DCDC1: variants seen among roughly 807,000 people sequenced by gnomAD.
DCDC1 encodes doublecortin domain containing 1.
A neutral mutation model predicts 178.3 loss-of-function variants in DCDC1; 200 were observed. That is an observed-to-expected ratio of 1.12 (90% CI 1.00 to 1.26). The LOEUF (loss-of-function observed/expected upper bound fraction) is 1.26. DCDC1 is among the 50% of genes most tolerant of loss of function. The pLI is 0.00. For missense variants in DCDC1, 1,983 were observed against 1,749.2 expected (o/e 1.13, Z -2.38); for synonymous variants, 690 against 604.8 (o/e 1.14, Z -2.07).
At chr11:30,884,702 CA>C (rs1324043340) in intron 36 of DCDC1, among the ~76,000 whole-genome samples, 4 of 151,428 alleles carry the variant, frequency 2.6e-5, no homozygotes, top group Middle Eastern at 3.4e-3. Flanking sequence ...CCCTTGTAAA[CA>C]AAAAAACTAT....
intron 20 of DCDC1, among the ~76,000 whole-genome samples, chr11:30,954,834 T>G (rs976655495): frequency 1.3e-5 from 2 of 152,216 alleles, no homozygotes; most frequent in Non-Finnish European, 2.9e-5. Flanking sequence ...GCCTTGTATT[T>G]CTCTTCTTTG....
intron 21 of DCDC1, among the ~76,000 whole-genome samples, chr11:30,947,213 A>G (rs200524626): frequency 4.1e-4 from 63 of 152,324 alleles, no homozygotes; most frequent in East Asian, 1.9e-3. Context: ...GATGAAAAAT[A>G]TTAAAGAAGA....
intron 3 of DCDC1, among the ~76,000 whole-genome samples, chr11:31,310,365 C>T (rs1320055615): frequency 8.6e-6 from 1 of 116,288 alleles, no homozygotes; most frequent in East Asian, 2.7e-4. Context: ...GTTGCCCAGG[C>T]TGGAGTGCAG....
At chr11:30,969,876 C>A (rs1250818649) in intron 20 of DCDC1, among the ~76,000 whole-genome samples, 1 of 152,100 alleles carries the variant, frequency 6.6e-6, no homozygotes. Flanking sequence ...TTTTTAGTAA[C>A]TGCATAAAAG....
At chr11:31,181,156 C>T (rs188106311) in intron 9 of DCDC1, among the ~76,000 whole-genome samples, 1 of 152,290 alleles carries the variant, frequency 6.6e-6, no homozygotes, top group Non-Finnish European at 1.5e-5. Flanking sequence ...GGCCAGATTG[C>T]CTCCCTAGAT....
chr11:31,292,359 A>C (rs1333348736), intron 6 of DCDC1, among the ~76,000 whole-genome samples: 1 of 152,216 alleles, frequency 6.6e-6, no homozygotes, highest in African/African-American at 2.4e-5. Flanking sequence ...TGTGGTAACC[A>C]AATGTCCATC....
At chr11:31,197,614 C>T (rs1373047076) in intron 9 of DCDC1, among the ~76,000 whole-genome samples, 1 of 152,066 alleles carries the variant, frequency 6.6e-6, no homozygotes, top group East Asian at 1.9e-4. Flanking sequence ...GTATTCTCAA[C>T]CACCATGCAA....
chr11:31,118,583 T>C (rs897329564), intron 11 of DCDC1, among the ~76,000 whole-genome samples: 13 of 152,170 alleles, frequency 8.5e-5, no homozygotes, highest in African/African-American at 2.7e-4. Context: ...AACTTGAACA[T>C]ATCAAACACT....
chr11:30,915,244 T>C (rs1287146159), intron 27 of DCDC1, among the ~76,000 whole-genome samples: 1 of 152,180 alleles, frequency 6.6e-6, no homozygotes, highest in Non-Finnish European at 1.5e-5. Context: ...TTGAGCCCAA[T>C]GGCCAGATAA....
intron 7 of DCDC1, among the ~76,000 whole-genome samples, chr11:31,279,470 T>C (rs1319179183): frequency 6.6e-6 from 1 of 152,166 alleles, no homozygotes; most frequent in Admixed American, 6.5e-5. Context: ...CTGTTCACAA[T>C]GGCGAAGACT....
At chr11:31,115,999 G>GGGGGGGGGGTT (rs1234805110) in intron 11 of DCDC1, among the ~76,000 whole-genome samples, 1 of 132,258 alleles carries the variant, frequency 7.6e-6, no homozygotes, top group Non-Finnish European at 1.7e-5. Flanking sequence ...GGGGGGATGG[G>GGGGGGGGGGTT]TATCTCAGTC....
intron 36 of DCDC1, among the ~76,000 whole-genome samples, chr11:30,887,501 C>A (rs1943281034): frequency 2.6e-5 from 4 of 152,120 alleles, no homozygotes; most frequent in Admixed American, 2.6e-4. Context: ...AGTGTTCAAG[C>A]CAGATTCCTT....
chr11:30,876,892 A>T (rs1942184995), intron 38 of DCDC1, among the ~76,000 whole-genome samples: 1 of 151,994 alleles, frequency 6.6e-6, no homozygotes, highest in African/African-American at 2.4e-5. Flanking sequence ...TCCAACGGGG[A>T]GCAAGTTTCT....
intron 9 of DCDC1, among the ~76,000 whole-genome samples, chr11:31,165,836 A>C (rs2136191870): frequency 6.6e-6 from 1 of 152,286 alleles, no homozygotes; most frequent in Non-Finnish European, 1.5e-5. Context: ...TGCATGTAAA[A>C]ATCTCTATAA....
At chr11:31,253,782 C>T (rs935630137) in intron 8 of DCDC1, among the ~76,000 whole-genome samples, 1 of 152,164 alleles carries the variant, frequency 6.6e-6, no homozygotes, top group Non-Finnish European at 1.5e-5. Flanking sequence ...CAACATATAA[C>T]TAATACCAAT....
chr11:31,066,033 G>T (rs1169359974), intron 18 of DCDC1, among the ~76,000 whole-genome samples: 1 of 152,156 alleles, frequency 6.6e-6, no homozygotes, highest in Non-Finnish European at 1.5e-5. Flanking sequence ...TATAAATACT[G>T]CAGACCAGAT....
intron 21 of DCDC1, among the ~76,000 whole-genome samples, chr11:30,934,800 T>C (rs1352070665): frequency 6.6e-6 from 1 of 152,174 alleles, no homozygotes; most frequent in Non-Finnish European, 1.5e-5. Flanking sequence ...TGAGGGCTTG[T>C]AGCAAAAAGT....
chr11:31,120,603 A>C (rs1468255974), intron 11 of DCDC1, among the ~76,000 whole-genome samples: 4 of 152,138 alleles, frequency 2.6e-5, no homozygotes, highest in Admixed American at 6.6e-5. Flanking sequence ...GGTCCCACAG[A>C]AACTGGATCT....
intron 1 of DCDC1, among the ~76,000 whole-genome samples, chr11:31,358,402 T>A (rs1217107512): frequency 2.3e-4 from 35 of 152,070 alleles, no homozygotes; most frequent in Non-Finnish European, 4.6e-4. Context: ...AAGCTGAAAC[T>A]GGACCCCTTC....
Sources: allele counts gnomAD v4.1 joint callset (sites outside exome capture counted in the v4.1 genomes callset), GRCh38; gene constraint gnomAD v4.1.1; transcripts MANE v1.5; gene names NCBI Gene and HGNC (gene_info 2026-07-23, HGNC 2026-07-21).